The following BTN2A1 variants were observed in gnomAD, a reference collection of about 807,000 sequenced individuals.
BTN2A1 encodes the protein butyrophilin, subfamily 2, member A1.
In BTN2A1, 41 loss-of-function variants were observed where a neutral mutation model predicts 34.5. The observed-to-expected ratio is 1.19, with a 90% confidence interval of 0.93 to 1.54. The LOEUF (loss-of-function observed/expected upper bound fraction) is 1.54. BTN2A1 is among the 40% of genes most tolerant of loss of function. The pLI is 0.00. For missense variants in BTN2A1, 642 were observed against 662.0 expected, an observed-to-expected ratio of 0.97 and a Z score of 0.33; for synonymous variants, 267 against 258.6, an observed-to-expected ratio of 1.03 and a Z score of -0.31.
rs1763398373 is a variant in BTN2A1 at position 26,468,839 on chromosome 6, A to G, written c.*290A>G. ...AAGAAAGTGTGAGAAGTTGATGGGC[A>G]GCAAACCTGCTGTTTAACATCAGGG... On this transcript the variant is annotated 3_prime_UTR_variant, in exon 8 of 8. Coordinates refer to ENST00000312541, the MANE Select transcript of BTN2A1 (RefSeq NM_007049.5). 1 of 1,521,116 alleles carries G rather than the reference A, an allele frequency of 6.6e-7. No individual in the cohort carries two copies. The highest frequency in any genetic ancestry group is 1.1e-5 in the South Asian group (1 of 87,930). 94.2% of individuals were successfully genotyped at this position (1,521,116 alleles called of 1,614,324 possible).
At chr6:26,460,933 G>A (rs1763148480) in intron 3 of BTN2A1, among the ~76,000 whole-genome samples, 1 of 151,996 alleles carries the variant, frequency 6.6e-6, no homozygotes, top group African/African-American at 2.4e-5. Flanking sequence ...CAACAAAAAA[G>A]ATATATTTGA....
At chr6:26,458,995 T>C (rs1430928826) in intron 2 of BTN2A1, among the ~76,000 whole-genome samples, 1 of 152,190 alleles carries the variant, frequency 6.6e-6, no homozygotes, top group Admixed American at 6.5e-5. Flanking sequence ...TATATTTTGT[T>C]TCGCCCCAAA....
At position 26,468,189 on chromosome 6, in the gene BTN2A1, G is replaced by A; in HGVS notation, c.1224G>A (p.Glu408=). The change falls in exon 8 of 8, where the codon GAG becomes GAA. Residue 408 remains glutamate, a synonymous_variant. Transcript: ENST00000312541. ...TGGGGGTCTGTAGAGACAGTGTTGA[G>A]AGGAAAGGGGAGGTCCTGCTGATTC... is the stretch of plus-strand genomic sequence containing the variant. The part of the protein sequence containing the change: ...WTVGVCRDSV[E]RKGEVLLIPQ... 6.2e-7 allele frequency: 1 copy of A among 1,614,188 alleles called. No individual in the cohort carries two copies. Among genetic ancestry groups the A allele is most frequent in the South Asian group, 1.1e-5 (1 of 91,082 alleles).
chr6:26,468,049 G>A lies in BTN2A1; in HGVS notation c.1084G>A (p.Val362Met), dbSNP rs752305144. The A allele has an allele frequency of 8.1e-6, 13 of 1,614,088 alleles. No homozygotes were observed. Among genetic ancestry groups the A allele is most frequent in the Middle Eastern group, 1.6e-4 (1 of 6,084 alleles). ...CCCCTTCAGGCACCTAGGGGAGAGC[G>A]TGCCTGACAACCCAGAGAGATTCGA... Reference protein sequence around the residue: ...RCPFRHLGESVPDNPERFDSQ... With the variant: ...RCPFRHLGESMPDNPERFDSQ... The change falls in exon 8 of 8, where the codon GTG becomes ATG. Residue 362 changes from valine (V) to methionine (M), a missense_variant. By Grantham distance (21) the Val-to-Met change is conservative. Transcript: ENST00000312541.
Position 26,459,759 on chromosome 6 carries a change from G to A in BTN2A1, c.361G>A (p.Gly121Ser), listed in dbSNP as rs1489909374. Residue 121 changes from glycine (G) to serine (S), a missense_variant, in exon 3 of 8, where the codon GGC becomes AGC. Gly to Ser is a moderately conservative substitution (Grantham distance 56, BLOSUM62 0). Coordinates refer to ENST00000312541, the MANE Select transcript of BTN2A1 (RefSeq NM_007049.5). Reference sequence around the variant, plus strand: ...ACACAACATCACAGCCCAGGAAAACGGCACCTACCGCTGTTACTTCCAAGA... The same window carrying A: ...ACACAACATCACAGCCCAGGAAAACAGCACCTACCGCTGTTACTTCCAAGA... ...VIHNITAQENGTYRCYFQEGR... is the reference protein window; with the variant it reads ...VIHNITAQENSTYRCYFQEGR... 8 of 1,613,978 alleles carry A rather than the reference G, an allele frequency of 5.0e-6. No homozygotes were observed. The highest frequency in any genetic ancestry group is 1.6e-4 in the Middle Eastern group (1 of 6,084).
At chr6:26,462,831 C>T in intron 3 of BTN2A1, 4 of 1,282,768 alleles carry the variant, frequency 3.1e-6, no homozygotes, top group Non-Finnish European at 4.1e-6. Context: ...GAGAAGTCGT[C>T]CCAGAAGCAG....
chr6:26,459,591 C>T lies in BTN2A1; in HGVS notation c.193C>T (p.Arg65Trp), dbSNP rs1404295878. The T allele has an allele frequency of 6.8e-6, 11 of 1,613,818 alleles. No homozygotes were observed. The highest frequency in any genetic ancestry group is 2.7e-5 in the African/African-American group (2 of 74,808). ...GAAAAATGCTGAGGACATGGAGGTG[C>T]GGTGGTTCCGGTCTCAGTTCTCCCC... is the stretch of plus-strand genomic sequence containing the variant. ...PEKNAEDMEVRWFRSQFSPAV... is the reference protein window; with the variant it reads ...PEKNAEDMEVWWFRSQFSPAV... The change falls in exon 3 of 8, where the codon CGG becomes TGG. Residue 65 changes from arginine to tryptophan, a missense_variant. Physicochemically the swap from Arg to Trp is moderately radical, Grantham distance 101. Transcript: ENST00000312541.
chr6:26,473,589 G>T (rs1763486397), downstream of BTN2A1, among the ~76,000 whole-genome samples: 1 of 152,192 alleles, frequency 6.6e-6, no homozygotes, highest in Non-Finnish European at 1.5e-5. Flanking sequence ...AACAAAAGAT[G>T]ATAATATCCT....
At chr6:26,463,202 A>G (rs1763212141) in intron 3 of BTN2A1, 42 bp from the exon 4 acceptor site, 1 of 1,531,586 alleles carries the variant, frequency 6.5e-7, no homozygotes, top group East Asian at 2.3e-5. Flanking sequence ...AAGAGATGCA[A>G]AAGGCACTGA....
At chr6:26,471,262 C>T (rs189210658), downstream of BTN2A1, among the ~76,000 whole-genome samples, 165 of 152,254 alleles carry the variant, frequency 1.1e-3, 1 homozygote, top group Middle Eastern at 3.4e-3. Flanking sequence ...AAGACTGAGT[C>T]GTTTATAAAC....
intron 3 of BTN2A1, chr6:26,462,716 A>G: frequency 1.1e-6 from 1 of 947,188 alleles, no homozygotes; most frequent in Non-Finnish European, 1.5e-6. Context: ...ACTAGACAGA[A>G]GGGTCAATGT....
chr6:26,461,488 T>G (rs1288182626), intron 3 of BTN2A1, among the ~76,000 whole-genome samples: 1 of 152,228 alleles, frequency 6.6e-6, no homozygotes, highest in African/African-American at 2.4e-5. Context: ...TGATAAAAAT[T>G]AAAGTGACCC....
chr6:26,459,134 C>T (rs566223209), intron 2 of BTN2A1, among the ~76,000 whole-genome samples: 1 of 152,152 alleles, frequency 6.6e-6, no homozygotes, highest in Non-Finnish European at 1.5e-5. Flanking sequence ...TCAGTTGGAA[C>T]TAGCTAGTGG....
chr6:26,458,851 A>T, intron 2 of BTN2A1, 133 bp downstream of exon 2: 1 of 1,195,650 alleles, frequency 8.4e-7, no homozygotes, highest in Non-Finnish European at 1.2e-6. Context: ...CATTGAATTT[A>T]TACCAGCACT....
At chr6:26,470,134 G>C (rs546257113), downstream of BTN2A1, among the ~76,000 whole-genome samples, 1 of 152,274 alleles carries the variant, frequency 6.6e-6, no homozygotes, top group East Asian at 1.9e-4. Context: ...GATCACCTGA[G>C]GTCAGGAGTT....
At chr6:26,461,003 C>G (rs1763150174) in intron 3 of BTN2A1, among the ~76,000 whole-genome samples, 1 of 152,130 alleles carries the variant, frequency 6.6e-6, no homozygotes, top group South Asian at 2.1e-4. Context: ...TCCATCAGAC[C>G]AGACAGAGGA....
chr6:26,463,117 C>G (rs929366918), intron 3 of BTN2A1, 127 bp from the exon 4 acceptor site: 1 of 1,203,014 alleles, frequency 8.3e-7, no homozygotes, highest in Non-Finnish European at 1.2e-6. Context: ...TTTCTTCCTT[C>G]CTATTTCTTG....
chr6:26,470,624 A>G (rs773496456), downstream of BTN2A1, among the ~76,000 whole-genome samples: 2 of 152,076 alleles, frequency 1.3e-5, no homozygotes, highest in African/African-American at 2.4e-5. Flanking sequence ...GCACCTTCCA[A>G]TCAGCTGTGA....
At chr6:26,460,150 GT>G (rs141410781) in intron 3 of BTN2A1, among the ~76,000 whole-genome samples, 10,691 of 149,524 alleles carry the variant, frequency 0.072, 743 homozygotes, top group African/African-American at 0.18. Flanking sequence ...CTTCTTTTGG[GT>G]TTTTTTTTTC....
Sources: gnomAD v4.1 joint callset for allele counts (sites outside exome capture counted in the v4.1 genomes callset) on GRCh38, gnomAD v4.1.1 for gene constraint, MANE v1.5 for transcripts, NCBI Gene and HGNC (gene_info 2026-07-23, HGNC 2026-07-21) for gene names.